The following HIVEP2 variants were observed in gnomAD, a reference collection of about 807,000 sequenced individuals.
HIVEP2 encodes the protein HIVEP zinc finger 2, also known as transcription factor HIVEP2.
A neutral mutation model predicts 180.7 loss-of-function variants in HIVEP2; 14 were observed. That is an observed-to-expected ratio of 0.08 (90% confidence interval 0.05 to 0.12). The LOEUF (loss-of-function observed/expected upper bound fraction) is 0.12, where lower values mean the gene tolerates loss of function less well. Ranked by LOEUF, HIVEP2 falls within the 10% of genes least tolerant of loss-of-function variation. The pLI, the probability that HIVEP2 is intolerant of heterozygous loss-of-function variation, is 1.00. For missense variants in HIVEP2, 2,579 were observed against 3,008.5 expected, an observed-to-expected ratio of 0.86 and a Z score of 3.34; for synonymous variants, 1,184 against 1,136.4, an observed-to-expected ratio of 1.04 and a Z score of -0.84.
intron 1 of HIVEP2, among the ~76,000 whole-genome samples, chr6:142,896,205 C>CT (rs1459705853): frequency 6.6e-6 from 1 of 151,990 alleles, no homozygotes; most frequent in Non-Finnish European, 1.5e-5. Flanking sequence ...ACCTACCTTC[C>CT]TAATCTTCAC....
At position 142,777,064 on chromosome 6, in the gene HIVEP2, C is replaced by G. The variant is rs1775720530; in HGVS notation, c.-432-873G>C. ...GGATTCTGAGAACTTCAATGATAAA[C>G]TGTATCCACTGTCATAGAACCTCAG... On this transcript the variant is annotated intron_variant, in intron 3 of 9. Coordinates refer to ENST00000367603, the MANE Select transcript of HIVEP2 (RefSeq NM_006734.4). 1.3e-5 allele frequency among the ~76,000 whole-genome samples: 2 copies of G among 152,126 alleles called. 1 individual carries two copies. Among genetic ancestry groups the G allele is most frequent in the South Asian group, 4.1e-4 (2 of 4,834 alleles).
rs773090920 is a variant in HIVEP2, at chr6:142,771,450, C to T, written c.3289G>A (p.Val1097Ile). The T allele has an allele frequency of 3.7e-6, 6 of 1,613,624 alleles. No homozygotes were observed. In the Admixed American group the frequency reaches 6.7e-5, roughly 18 times the overall value. Reference protein sequence around the residue: ...SGSPEISQGEVGMDQSVKQEQ... With the variant: ...SGSPEISQGEIGMDQSVKQEQ... ...TGCTTCACGCTCTGATCCATGCCAA[C>T]CTCGCCCTGGGAGATTTCTGGGGAG... is the stretch of plus-strand genomic sequence containing the variant. The change falls in exon 5 of 10, where the codon GTT (valine) becomes ATT (isoleucine). Residue 1097 changes from valine to isoleucine, a missense_variant. Val to Ile is a conservative substitution (Grantham distance 29). Around this residue, in one of 11 missense-constraint regions of HIVEP2, gnomAD observed 523 missense variants for 577.0 expected, o/e 0.91. Transcript: ENST00000367603. This position sits in a 1 kb window ranked among gnomAD's most constrained non-coding sequence, Gnocchi z 5.4.
intron 1 of HIVEP2, among the ~76,000 whole-genome samples, chr6:142,867,163 T>C (rs1776162084): frequency 6.6e-6 from 1 of 152,206 alleles, no homozygotes. Flanking sequence ...TCACTGTCTA[T>C]ATCAGAAAAC....
chr6:142,908,850 C>T lies in HIVEP2; in HGVS notation c.-641+36249G>A, dbSNP rs1381370871. Among the ~76,000 whole-genome samples, 6 of 100,704 alleles carry T rather than the reference C, an allele frequency of 6.0e-5. No homozygotes were observed. In the Admixed American group the frequency reaches 6.1e-4, roughly 10 times the overall value. The allele number at this position is 100,704 out of a possible 152,430, so 66.1% of individuals were successfully genotyped here. A position where few individuals can be genotyped will look rare whatever the true frequency, so the allele number is the denominator to read the frequency against. ...TTTCCTCCACTCTGTAAGATACCAC[C>T]TCTCAAAAAAAAAAAAAAAAAAAAA... On this transcript the variant is annotated intron_variant, in intron 1 of 9. Coordinates refer to ENST00000367603, the MANE Select transcript of HIVEP2 (RefSeq NM_006734.4).
intron 2 of HIVEP2, among the ~76,000 whole-genome samples, chr6:142,792,637 T>A (rs1582864111): frequency 6.6e-6 from 1 of 152,180 alleles, no homozygotes; most frequent in Non-Finnish European, 1.5e-5. Context: ...GATGGCAGGT[T>A]GATAGGCGCA....
At chr6:142,914,227 A>G (rs1399420958) in intron 1 of HIVEP2, among the ~76,000 whole-genome samples, 1 of 152,090 alleles carries the variant, frequency 6.6e-6, no homozygotes, top group Non-Finnish European at 1.5e-5. Context: ...TCTAAGACAT[A>G]AGCTTTTTTT....
At chr6:142,762,068 T>C (rs995247644) in intron 7 of HIVEP2, among the ~76,000 whole-genome samples, 11 of 152,230 alleles carry the variant, frequency 7.2e-5, no homozygotes, top group Non-Finnish European at 1.2e-4. Flanking sequence ...AGAAGAAAAA[T>C]ACATACAAAC....
chr6:142,823,977 G>T (rs947368684), intron 2 of HIVEP2, among the ~76,000 whole-genome samples: 1 of 151,888 alleles, frequency 6.6e-6, no homozygotes, highest in South Asian at 2.1e-4. Context: ...TGGATATTTT[G>T]TAAGAAAAAT....
chr6:142,826,176 T>A (rs564955331), intron 2 of HIVEP2, among the ~76,000 whole-genome samples: 2 of 152,324 alleles, frequency 1.3e-5, no homozygotes, highest in South Asian at 2.1e-4. Context: ...ATAAAATATA[T>A]CTTATTACAT....
chr6:142,786,617 G>T lies in HIVEP2; in HGVS notation c.-527-3002C>A, dbSNP rs191711519. Among the ~76,000 whole-genome samples, 320 of 152,244 alleles carry T rather than the reference G, an allele frequency of 2.1e-3. 7 individuals are homozygous for T. In the South Asian group the frequency reaches 0.029, roughly 14 times the overall value. ...ATTCTTAGAAGAAAAAAAATCCTTG[G>T]CATTAGTTACTTGTTGTTGGATGCT... is the stretch of plus-strand genomic sequence containing the variant. On this transcript the variant is annotated intron_variant, in intron 2 of 9. Transcript: ENST00000367603.
chr6:142,864,605 ATT>A (rs1776089510), intron 1 of HIVEP2, among the ~76,000 whole-genome samples: 1 of 152,186 alleles, frequency 6.6e-6, no homozygotes, highest in Non-Finnish European at 1.5e-5. Context: ...TCACCCAATA[ATT>A]TTTTGAGCAC....
chr6:142,911,191 G>T (rs1777395460), intron 1 of HIVEP2, among the ~76,000 whole-genome samples: 1 of 150,736 alleles, frequency 6.6e-6, no homozygotes, highest in Admixed American at 6.6e-5. Flanking sequence ...ACATTTCAGG[G>T]GAGCCCAGTG....
chr6:142,794,498 C>T (rs1357823362), intron 2 of HIVEP2, among the ~76,000 whole-genome samples: 5 of 152,088 alleles, frequency 3.3e-5, no homozygotes, highest in Non-Finnish European at 5.9e-5. Flanking sequence ...GAAGAGCTTT[C>T]GTAAATATAA....
Position 142,770,080 on chromosome 6 carries a change from C to G in HIVEP2, c.4659G>C (p.Gly1553=). ...TTTCAGAAGGCCCACTGGACTTCTG[C>G]CCCGGAAGTGGTGCCCGGGAACCGG... ...MLSGSRAPLP[G]QKSSGPSESK... Residue 1553 remains glycine (G), a synonymous_variant, in exon 5 of 10, where the codon GGG becomes GGC. Coordinates refer to ENST00000367603, the MANE Select transcript of HIVEP2 (RefSeq NM_006734.4). This position sits in a 1 kb window ranked among gnomAD's most constrained non-coding sequence, Gnocchi z 4.7. 6.2e-7 allele frequency: 1 copy of G among 1,614,216 alleles called. No homozygotes were observed. The highest frequency in any genetic ancestry group is 2.2e-5 in the East Asian group (1 of 44,876).
intron 1 of HIVEP2, among the ~76,000 whole-genome samples, chr6:142,840,634 A>G (rs1775339628): frequency 6.6e-6 from 1 of 152,122 alleles, no homozygotes; most frequent in Non-Finnish European, 1.5e-5. Flanking sequence ...TTTACTAGCC[A>G]TATGATATTC....
chr6:142,793,645 T>TTTCC (rs1562521247), intron 2 of HIVEP2, among the ~76,000 whole-genome samples: 5 of 35,364 alleles, frequency 1.4e-4, no homozygotes, highest in African/African-American at 2.0e-4. Flanking sequence ...TCTTTCTTTC[T>TTTCC]TTCTTTCTTT....
At chr6:142,892,690 C>T (rs1776889547) in intron 1 of HIVEP2, among the ~76,000 whole-genome samples, 1 of 152,194 alleles carries the variant, frequency 6.6e-6, no homozygotes, top group African/African-American at 2.4e-5. Flanking sequence ...TGTGATATAA[C>T]ATCAATGGCT....
At chr6:142,907,981 A>G (rs1371815886) in intron 1 of HIVEP2, among the ~76,000 whole-genome samples, 1 of 152,212 alleles carries the variant, frequency 6.6e-6, no homozygotes, top group African/African-American at 2.4e-5. Flanking sequence ...TACCAACTGA[A>G]TTACAGAAAA....
intron 2 of HIVEP2, among the ~76,000 whole-genome samples, chr6:142,805,448 C>A (rs1256408153): frequency 6.7e-6 from 1 of 148,464 alleles, no homozygotes; most frequent in Non-Finnish European, 1.5e-5. Flanking sequence ...CCTATCCCAA[C>A]TTGGGAACCT....
Sources: gnomAD v4.1 joint callset for allele counts (sites outside exome capture counted in the v4.1 genomes callset) on GRCh38, gnomAD v4.1.1 for gene constraint, gnomAD v4.1.1 regional missense constraint, Gnocchi (gnomAD v3.1) non-coding constraint, MANE v1.5 for transcripts, NCBI Gene and HGNC (gene_info 2026-07-23, HGNC 2026-07-21) for gene names.